The following NALF1 variants were observed in gnomAD, a reference collection of about 807,000 sequenced individuals.
NALF1 encodes NALCN channel auxiliary factor 1, also known as family with sequence similarity 155 member A.
A neutral mutation model predicts 48.4 loss-of-function variants in NALF1; 3 were observed. The ratio of observed to expected loss-of-function variants is 0.06; its 90% confidence interval spans 0.03 to 0.16. NALF1 has a LOEUF of 0.16. NALF1 is among the 10% of genes least tolerant of loss of function. The pLI is 1.00. For missense variants in NALF1, 526 were observed against 571.5 expected (o/e 0.92, Z 0.81); for synonymous variants, 262 against 245.7 (o/e 1.07, Z -0.62).
chr13:107,396,324 C>T lies in NALF1; in HGVS notation c.916-185569G>A, dbSNP rs188116910. On this transcript the variant is annotated intron_variant, in intron 1 of 2. Coordinates refer to ENST00000375915, the MANE Select transcript of NALF1 (RefSeq NM_001080396.3). ...AACACAGTGCAGCTCTTAATGGAAGCGTTCTGTGTTCGCAAAAGATCTCTG... is the reference window on the plus strand; with the variant it reads ...AACACAGTGCAGCTCTTAATGGAAGTGTTCTGTGTTCGCAAAAGATCTCTG... Among the ~76,000 whole-genome samples the T allele has an allele frequency of 5.1e-3, 771 of 152,260 alleles. 4 individuals are homozygous for T. Among genetic ancestry groups the T allele is most frequent in the African/African-American group, 0.018 (740 of 41,550 alleles).
chr13:107,813,397 A>G (rs1374193700), intron 1 of NALF1, among the ~76,000 whole-genome samples: 1 of 152,200 alleles, frequency 6.6e-6, no homozygotes, highest in Non-Finnish European at 1.5e-5. Context: ...GAGGAAAGCC[A>G]AAGTATTTAA....
intron 1 of NALF1, among the ~76,000 whole-genome samples, chr13:107,541,259 G>A (rs1876990570): frequency 6.6e-6 from 1 of 152,124 alleles, no homozygotes; most frequent in African/African-American, 2.4e-5. Flanking sequence ...TGCTCTTCTA[G>A]TCTTGCTTTT....
chr13:107,225,192 A>C (rs1214149812), intron 1 of NALF1, among the ~76,000 whole-genome samples: 1 of 152,100 alleles, frequency 6.6e-6, no homozygotes, highest in Non-Finnish European at 1.5e-5. Context: ...TATTTTAAGC[A>C]GAGACGGGGT....
chr13:107,764,039 A>T (rs988719248), intron 1 of NALF1, among the ~76,000 whole-genome samples: 1 of 152,234 alleles, frequency 6.6e-6, no homozygotes, highest in African/African-American at 2.4e-5. Context: ...GACCAGGCAT[A>T]GAGGTATCAA....
intron 1 of NALF1, among the ~76,000 whole-genome samples, chr13:107,717,304 C>T (rs1448908205): frequency 6.6e-6 from 1 of 152,158 alleles, no homozygotes; most frequent in African/African-American, 2.4e-5. Context: ...AAGTGTGGTG[C>T]CCCAATCGGC....
At chr13:107,318,827 G>A (rs1288617563) in intron 1 of NALF1, among the ~76,000 whole-genome samples, 1 of 152,016 alleles carries the variant, frequency 6.6e-6, no homozygotes, top group Non-Finnish European at 1.5e-5. Context: ...AATGGTTTAG[G>A]TAAAATTCAT....
intron 1 of NALF1, among the ~76,000 whole-genome samples, chr13:107,350,557 A>G (rs1411405805): frequency 6.6e-6 from 1 of 152,248 alleles, no homozygotes; most frequent in Non-Finnish European, 1.5e-5. Context: ...TGCTAATCCT[A>G]CTACGTGATA....
intron 1 of NALF1, among the ~76,000 whole-genome samples, chr13:107,670,478 G>A (rs575532556): frequency 1.2e-4 from 18 of 152,156 alleles, no homozygotes; most frequent in East Asian, 7.7e-4. Context: ...ATCTTTTCTC[G>A]AGGCTATAAT....
chr13:107,661,576 C>T (rs1880735604), intron 1 of NALF1, among the ~76,000 whole-genome samples: 1 of 152,110 alleles, frequency 6.6e-6, no homozygotes, highest in Non-Finnish European at 1.5e-5. Flanking sequence ...AATAAAAGCA[C>T]TCGGCATAAT....
intron 1 of NALF1, among the ~76,000 whole-genome samples, chr13:107,215,768 C>T (rs1879860363): frequency 6.6e-6 from 1 of 152,126 alleles, no homozygotes; most frequent in African/African-American, 2.4e-5. Flanking sequence ...CATGTCCTCT[C>T]TTGGTTCTGG....
At chr13:107,256,599 A>G (rs1448889176) in intron 1 of NALF1, among the ~76,000 whole-genome samples, 28 of 152,174 alleles carry the variant, frequency 1.8e-4, no homozygotes, top group Non-Finnish European at 5.9e-5. Context: ...TGACTTGACA[A>G]ATGAGTAAAG....
At chr13:107,437,668 G>A (rs1259338875) in intron 1 of NALF1, among the ~76,000 whole-genome samples, 1 of 152,182 alleles carries the variant, frequency 6.6e-6, no homozygotes, top group Non-Finnish European at 1.5e-5. Context: ...AACAGCCAAA[G>A]CGAACTCAAT....
chr13:107,773,809 C>T (rs922597826), intron 1 of NALF1, among the ~76,000 whole-genome samples: 1 of 151,572 alleles, frequency 6.6e-6, no homozygotes, highest in African/African-American at 2.4e-5. Context: ...AGCACACCAA[C>T]ATGGCACATG....
intron 1 of NALF1, among the ~76,000 whole-genome samples, chr13:107,689,049 A>G (rs141212132): frequency 1.5e-3 from 235 of 152,298 alleles, no homozygotes; most frequent in African/African-American, 5.2e-3. Context: ...TCTGTCATGG[A>G]CTGGACAGGA....
chr13:107,208,624 T>G (rs1879692472), intron 2 of NALF1, among the ~76,000 whole-genome samples: 6 of 152,102 alleles, frequency 3.9e-5, no homozygotes, highest in Admixed American at 3.9e-4. Flanking sequence ...CCAATGTGAG[T>G]GTAAATGCAT....
At chr13:107,616,579 C>A (rs760953113) in intron 1 of NALF1, among the ~76,000 whole-genome samples, 1 of 152,198 alleles carries the variant, frequency 6.6e-6, no homozygotes, top group Non-Finnish European at 1.5e-5. Flanking sequence ...ACACAGGCTA[C>A]AAGATTGAAT....
intron 2 of NALF1, among the ~76,000 whole-genome samples, chr13:107,203,267 G>A (rs1879560260): frequency 6.6e-6 from 1 of 152,188 alleles, no homozygotes. Flanking sequence ...GACAGCCACT[G>A]TGTGGTCAGT....
Position 107,165,718 on chromosome 13 carries a change from C to G in NALF1, c.*4779G>C, listed in dbSNP as rs554619910. ...CTATACTTAGTTATTTTCCTTCCCC[C>G]CCACTGAAAGTCTTTTTATTCATTG... On this transcript the variant is annotated 3_prime_UTR_variant, in exon 3 of 3. Transcript: ENST00000375915. 1.6e-4 allele frequency: 24 copies of G among 152,214 alleles called. No homozygotes were observed. The highest frequency in any genetic ancestry group is 3.4e-3 in the Middle Eastern group (1 of 294). 9.4% of individuals were successfully genotyped at this position (152,214 alleles called of 1,614,324 possible).
chr13:107,713,409 A>G (rs1296653023), intron 1 of NALF1, among the ~76,000 whole-genome samples: 1 of 152,170 alleles, frequency 6.6e-6, no homozygotes, highest in Admixed American at 6.5e-5. Flanking sequence ...GATATGGCTC[A>G]TATTTCTGGC....
Sources: allele counts gnomAD v4.1 joint callset (sites outside exome capture counted in the v4.1 genomes callset), GRCh38; gene constraint gnomAD v4.1.1; transcripts MANE v1.5; gene names NCBI Gene and HGNC (gene_info 2026-07-23, HGNC 2026-07-21).